The following RIT2 variants were observed in gnomAD, a reference collection of about 807,000 sequenced individuals.
RIT2 encodes the protein GTP-binding protein Rit2.
A neutral mutation model predicts 23.7 loss-of-function variants in RIT2; 24 were observed. The ratio of observed to expected loss-of-function variants is 1.01; its 90% CI spans 0.73 to 1.43. The LOEUF (loss-of-function observed/expected upper bound fraction) is 1.43. Ranked by LOEUF, RIT2 falls within the 40% of genes most tolerant of loss-of-function variation. The probability of loss-of-function intolerance (pLI) is 0.00; values close to 1 mark genes in which losing one functional copy is unlikely to be tolerated. For synonymous variants in RIT2, 107 were observed against 91.1 expected (o/e 1.17, Z -0.99); for missense variants, 236 against 266.9 (o/e 0.88, Z 0.81).
chr18:42,862,660 G>T (rs745769177), intron 4 of RIT2, among the ~76,000 whole-genome samples: 1 of 152,116 alleles, frequency 6.6e-6, no homozygotes, highest in African/African-American at 2.4e-5. Context: ...ATTCTCACAG[G>T]CTCTCCCTTT....
intron 3 of RIT2, among the ~76,000 whole-genome samples, chr18:42,931,909 G>GA (rs1909334800): frequency 6.6e-6 from 1 of 152,118 alleles, no homozygotes; most frequent in Admixed American, 6.6e-5. Flanking sequence ...CTATAAATAA[G>GA]AAAAATGATA....
At chr18:42,934,039 GAA>G (rs5824459) in intron 3 of RIT2, among the ~76,000 whole-genome samples, 101 of 130,722 alleles carry the variant, frequency 7.7e-4, no homozygotes, top group African/African-American at 1.2e-3. Context: ...AAAAAAAAAA[GAA>G]AAAAAAAAAA....
intron 1 of RIT2, among the ~76,000 whole-genome samples, chr18:43,081,823 T>C (rs914088909): frequency 1.3e-5 from 2 of 152,174 alleles, no homozygotes; most frequent in African/African-American, 4.8e-5. Context: ...AAAGCCTATA[T>C]CAATAGCATT....
intron 1 of RIT2, among the ~76,000 whole-genome samples, chr18:43,040,205 A>G (rs950402292): frequency 3.3e-5 from 5 of 152,190 alleles, no homozygotes; most frequent in African/African-American, 1.2e-4. Context: ...TGAATTCTAG[A>G]TGTGTTTTAG....
intron 4 of RIT2, among the ~76,000 whole-genome samples, chr18:42,769,173 A>G (rs1913491667): frequency 6.6e-6 from 1 of 152,182 alleles, no homozygotes; most frequent in Non-Finnish European, 1.5e-5. Context: ...ATAAGAAGAA[A>G]GAGAAAGATA....
intron 1 of RIT2, among the ~76,000 whole-genome samples, chr18:43,085,765 T>C (rs1913269093): frequency 6.6e-6 from 1 of 152,212 alleles, no homozygotes; most frequent in Non-Finnish European, 1.5e-5. Context: ...TCATTTTGAA[T>C]TGTAGCTCCC....
At chr18:43,027,383 T>C (rs1288505375) in intron 2 of RIT2, among the ~76,000 whole-genome samples, 1 of 152,100 alleles carries the variant, frequency 6.6e-6, no homozygotes, top group African/African-American at 2.4e-5. Flanking sequence ...TAAGAAGTGA[T>C]TCACAAAAAG....
intron 4 of RIT2, among the ~76,000 whole-genome samples, chr18:42,804,875 G>C: frequency 6.6e-6 from 1 of 152,162 alleles, no homozygotes. Context: ...CCCTAATCAG[G>C]CACACATGAG....
chr18:43,046,699 T>C (rs1195497565), intron 1 of RIT2, among the ~76,000 whole-genome samples: 3 of 152,316 alleles, frequency 2.0e-5, no homozygotes, highest in East Asian at 3.9e-4. Context: ...GGCCCTTTCA[T>C]AGGGTAAATG....
At chr18:42,848,173 A>G (rs1253394060) in intron 4 of RIT2, among the ~76,000 whole-genome samples, 1 of 152,114 alleles carries the variant, frequency 6.6e-6, no homozygotes, top group Non-Finnish European at 1.5e-5. Flanking sequence ...GACCCAATAC[A>G]GAACAATGCT....
At chr18:42,866,248 C>A (rs185084674) in intron 4 of RIT2, among the ~76,000 whole-genome samples, 1 of 152,122 alleles carries the variant, frequency 6.6e-6, no homozygotes, top group South Asian at 2.1e-4. Context: ...GTCTTGTTAT[C>A]AATCCTTAAG....
At chr18:42,750,604 T>C (rs1329186048) in intron 4 of RIT2, among the ~76,000 whole-genome samples, 1 of 151,816 alleles carries the variant, frequency 6.6e-6, no homozygotes, top group African/African-American at 2.4e-5. Context: ...TCAGATCACA[T>C]CAAATCATGC....
At chr18:42,780,140 G>A (rs973338159) in intron 4 of RIT2, among the ~76,000 whole-genome samples, 68 of 137,790 alleles carry the variant, frequency 4.9e-4, no homozygotes, top group African/African-American at 1.8e-3. Context: ...TACCCATGGT[G>A]TTGGGTTACA....
chr18:42,870,211 T>C (rs1907585698), intron 4 of RIT2, among the ~76,000 whole-genome samples: 3 of 152,188 alleles, frequency 2.0e-5, no homozygotes, highest in Admixed American at 6.5e-5. Flanking sequence ...ACTTGGATAA[T>C]TAGAACTCTT....
At chr18:43,072,997 T>C (rs1263882403) in intron 1 of RIT2, among the ~76,000 whole-genome samples, 2 of 152,160 alleles carry the variant, frequency 1.3e-5, no homozygotes, top group African/African-American at 4.8e-5. Context: ...ACCCTTTCCG[T>C]ATGTTTCAAC....
chr18:42,748,528 T>C (rs1725997259), intron 4 of RIT2, among the ~76,000 whole-genome samples: 1 of 152,016 alleles, frequency 6.6e-6, no homozygotes, highest in African/African-American at 2.4e-5. Context: ...TAAAACAGTG[T>C]GGAGATTCTG....
intron 4 of RIT2, among the ~76,000 whole-genome samples, chr18:42,804,884 A>AG: frequency 6.6e-6 from 1 of 152,320 alleles, no homozygotes; most frequent in East Asian, 1.9e-4. Context: ...GGCACACATG[A>AG]GATAGTGCGC....
chr18:42,897,658 T>C (rs550003998), intron 4 of RIT2, among the ~76,000 whole-genome samples: 13 of 152,140 alleles, frequency 8.5e-5, no homozygotes, highest in African/African-American at 3.1e-4. Flanking sequence ...AAAAAATGTA[T>C]AAAACACCTA....
chr18:42,985,971 G>T (rs1910698332), intron 2 of RIT2, among the ~76,000 whole-genome samples: 1 of 151,020 alleles, frequency 6.6e-6, no homozygotes, highest in African/African-American at 2.4e-5. Flanking sequence ...GAAAATATGA[G>T]TCATTTTATG....
Sources: allele counts gnomAD v4.1 joint callset (sites outside exome capture counted in the v4.1 genomes callset), GRCh38; gene constraint gnomAD v4.1.1; transcripts MANE v1.5; gene names NCBI Gene and HGNC (gene_info 2026-07-23, HGNC 2026-07-21).